The following TTK variants were observed in gnomAD, a reference collection of about 807,000 sequenced individuals.
TTK encodes the protein dual specificity protein kinase TTK.
TTK carries 59 observed loss-of-function variants against 117.3 expected under a neutral mutation model. That is an observed-to-expected ratio of 0.50 (90% CI 0.41 to 0.62). The LOEUF is 0.62. Among genes scored for constraint, TTK ranks in the 20% least tolerant of loss-of-function variants. The pLI is 0.00. For missense variants in TTK, 921 were observed against 989.4 expected (o/e 0.93, Z 0.93); for synonymous variants, 302 against 325.0 (o/e 0.93, Z 0.76).
At chr6:80,017,313 T>C (rs188952887) in intron 10 of TTK, among the ~76,000 whole-genome samples, 87 of 152,340 alleles carry the variant, frequency 5.7e-4, no homozygotes, top group African/African-American at 2.0e-3. Flanking sequence ...GGTCTTGCTC[T>C]GTCACCCAGA....
At chr6:80,019,260 G>A (rs915534601) in intron 10 of TTK, among the ~76,000 whole-genome samples, 9 of 152,170 alleles carry the variant, frequency 5.9e-5, no homozygotes, top group South Asian at 2.1e-4. Flanking sequence ...ACTTAAGTCC[G>A]GCTGCTTGCT....
At chr6:80,020,706 A>G (rs950944567) in intron 10 of TTK, among the ~76,000 whole-genome samples, 4 of 152,232 alleles carry the variant, frequency 2.6e-5, no homozygotes, top group African/African-American at 9.6e-5. Context: ...GATACAAGAA[A>G]TATTCTGGAG....
At chr6:80,021,875 C>T (rs1486663255) in intron 10 of TTK, among the ~76,000 whole-genome samples, 1 of 151,972 alleles carries the variant, frequency 6.6e-6, no homozygotes, top group East Asian at 1.9e-4. Flanking sequence ...ATGGACATGC[C>T]TGGTGGGAAA....
intron 2 of TTK, 138 bp downstream of exon 2, chr6:80,006,120 A>C: frequency 8.1e-7 from 1 of 1,228,038 alleles, no homozygotes; most frequent in Non-Finnish European, 1.2e-6. Flanking sequence ...AGGCTACATG[A>C]TGGCAGGGTT....
intron 12 of TTK, 88 bp downstream of exon 12, chr6:80,026,602 CCTG>C (rs1258136526): frequency 7.1e-6 from 11 of 1,541,504 alleles, no homozygotes; most frequent in Non-Finnish European, 9.7e-6. Flanking sequence ...GGGATTAAAT[CCTG>C]CTCTTTTACT....
Position 80,026,916 on chromosome 6 carries a change from A to C in TTK, c.1394+402A>C. On this transcript the variant is annotated intron_variant, in intron 12 of 21. Transcript: ENST00000369798. ...TAAGTGGTGTTAATTGGAAAGTGATAGCTTCTGGAAGAGATTGGTTTTTAC... is the reference window on the plus strand; with the variant it reads ...TAAGTGGTGTTAATTGGAAAGTGATCGCTTCTGGAAGAGATTGGTTTTTAC... Among the ~76,000 whole-genome samples the C allele has an allele frequency of 1.3e-5, 2 of 152,224 alleles. 1 individual carries two copies. The highest frequency in any genetic ancestry group is 2.9e-5 in the Non-Finnish European group (2 of 68,028).
intron 10 of TTK, among the ~76,000 whole-genome samples, chr6:80,014,792 G>A (rs1767261001): frequency 6.6e-6 from 1 of 152,130 alleles, no homozygotes. Context: ...GTGCATAAAA[G>A]AAAGAGTGGA....
chr6:80,006,087 G>A, intron 2 of TTK, 105 bp downstream of exon 2: 1 of 1,434,676 alleles, frequency 7.0e-7, no homozygotes, highest in South Asian at 1.2e-5. Flanking sequence ...TGTGTTTATT[G>A]TCTTTCTCCT....
At chr6:80,030,285 A>C (rs922216031) in intron 13 of TTK, among the ~76,000 whole-genome samples, 1 of 152,202 alleles carries the variant, frequency 6.6e-6, no homozygotes, top group Non-Finnish European at 1.5e-5. Context: ...CAAAGCATTT[A>C]TAGGTACACA....
intron 14 of TTK, 44 bp from the exon 15 acceptor site, chr6:80,034,941 G>A (rs766842167): frequency 3.6e-6 from 5 of 1,382,702 alleles, no homozygotes; most frequent in Non-Finnish European, 4.8e-6. Context: ...GTGTGATAGT[G>A]TATAAATAGT....
Position 80,042,489 on chromosome 6 carries a change from T to C in TTK, c.*287T>C, listed in dbSNP as rs1447718000. 5 of 195,506 alleles carry C rather than the reference T, an allele frequency of 2.6e-5. No individual in the cohort carries two copies. In the East Asian group the frequency reaches 4.5e-4, roughly 17 times the overall value. 12.1% of individuals were successfully genotyped at this position (195,506 alleles called of 1,614,324 possible). A position where few individuals can be genotyped will look rare whatever the true frequency, so the allele number is the denominator to read the frequency against. On this transcript the variant is annotated 3_prime_UTR_variant, in exon 22 of 22. Transcript: ENST00000369798. ...ATAGCAAGTATATTCTAAAAAACTTTGTAAATAAAGTTTTGTGGCTAAAAT... is the reference window on the plus strand; with the variant it reads ...ATAGCAAGTATATTCTAAAAAACTTCGTAAATAAAGTTTTGTGGCTAAAAT...
chr6:80,022,821 T>C (rs1158630403), intron 11 of TTK, among the ~76,000 whole-genome samples: 1 of 152,142 alleles, frequency 6.6e-6, no homozygotes, highest in Non-Finnish European at 1.5e-5. Flanking sequence ...AAGAGCAGAG[T>C]TGATTAGTTG....
At chr6:80,029,432 A>T (rs909483241) in intron 13 of TTK, among the ~76,000 whole-genome samples, 1 of 152,256 alleles carries the variant, frequency 6.6e-6, no homozygotes, top group Non-Finnish European at 1.5e-5. Flanking sequence ...ACAATATAAT[A>T]AATTACAAAG....
intron 20 of TTK, 66 bp from the exon 21 acceptor site, chr6:80,040,540 A>G (rs1473907640): frequency 1.4e-6 from 2 of 1,388,666 alleles, no homozygotes; most frequent in Non-Finnish European, 2.0e-6. Context: ...ATTAAACAAA[A>G]TGTGTATTTA....
chr6:80,027,766 C>T, intron 12 of TTK, 119 bp from the exon 13 acceptor site: 2 of 669,462 alleles, frequency 3.0e-6, no homozygotes, highest in Non-Finnish European at 4.5e-6. Context: ...TGAAAACTAA[C>T]TTGGGTTCTG....
At chr6:80,036,733 G>T in intron 17 of TTK, 134 bp downstream of exon 17, 2 of 983,310 alleles carry the variant, frequency 2.0e-6, no homozygotes, top group East Asian at 5.9e-5. Flanking sequence ...AATAAGAATA[G>T]ATTTAAAAAT....
At chr6:80,032,446 T>C (rs942629119) in intron 14 of TTK, among the ~76,000 whole-genome samples, 12 of 152,206 alleles carry the variant, frequency 7.9e-5, no homozygotes, top group Non-Finnish European at 1.5e-4. Context: ...TGGTTTCAAA[T>C]AACATGTGTA....
intron 10 of TTK, 136 bp from the exon 11 acceptor site, chr6:80,022,188 G>T: frequency 1.0e-6 from 1 of 966,626 alleles, no homozygotes; most frequent in Non-Finnish European, 1.5e-6. Flanking sequence ...CTGGCTTAAA[G>T]CTTTTAGTTT....
intron 10 of TTK, among the ~76,000 whole-genome samples, chr6:80,017,713 G>C (rs767794257): frequency 4.6e-5 from 7 of 151,994 alleles, no homozygotes; most frequent in Non-Finnish European, 1.0e-4. Flanking sequence ...CTATCTTTTG[G>C]TTACCACTTT....
Sources: allele counts gnomAD v4.1 joint callset (sites outside exome capture counted in the v4.1 genomes callset), GRCh38; gene constraint gnomAD v4.1.1; transcripts MANE v1.5; gene names NCBI Gene and HGNC (gene_info 2026-07-23, HGNC 2026-07-21).